TTLL8: variants seen among roughly 807,000 people sequenced by gnomAD.
TTLL8 encodes tubulin tyrosine ligase like 8, also known as protein monoglycylase TTLL8.
A neutral mutation model predicts 77.8 loss-of-function variants in TTLL8; 65 were observed. That is an observed-to-expected ratio of 0.84 (90% CI 0.68 to 1.03). TTLL8 has a LOEUF of 1.03. Among genes scored for constraint, TTLL8 ranks in the 50% least tolerant of loss-of-function variants. The pLI is 0.00. For synonymous variants in TTLL8, 402 were observed against 422.8 expected, an observed-to-expected ratio of 0.95 and a Z score of 0.60; for missense variants, 910 against 1,004.5, an observed-to-expected ratio of 0.91 and a Z score of 1.27.
chr22:50,026,311 G>T (rs4838877), intron 12 of TTLL8, among the ~76,000 whole-genome samples: 1 of 125,170 alleles, frequency 8.0e-6, no homozygotes, highest in Non-Finnish European at 1.8e-5. Flanking sequence ...CACCTCAGAG[G>T]GGAGGGTCAG....
At chr22:50,049,198 G>A in intron 3 of TTLL8, 51 bp downstream of exon 5, 1 of 1,366,674 alleles carries the variant, frequency 7.3e-7, no homozygotes, top group Non-Finnish European at 9.8e-7. Context: ...GCGACGGTGT[G>A]AGAAGCTTTG....
intron 5 of TTLL8, 102 bp downstream of exon 7, chr22:50,045,754 A>C: frequency 8.1e-7 from 1 of 1,238,892 alleles, no homozygotes; most frequent in Non-Finnish European, 1.0e-6. Context: ...CCGGTCCTCT[A>C]TCCTCAGACC....
rs995071823 is a variant in TTLL8, at chr22:50,034,186, T to C, written c.1039+159A>G. Reference sequence around the variant, plus strand: ...GCTGTGAAGACGCCTCCAGCTCTGCTCCAGCGCCTGAGTCCTGACCCCCAC... The same window carrying C: ...GCTGTGAAGACGCCTCCAGCTCTGCCCCAGCGCCTGAGTCCTGACCCCCAC... On this transcript the variant is annotated intron_variant, in intron 9 of 13. Coordinates refer to ENST00000266182, the Ensembl canonical transcript of TTLL8. This position sits in a 1 kb window ranked among gnomAD's most constrained non-coding sequence, Gnocchi z 4.1. 5.4e-6 allele frequency: 4 copies of C among 740,366 alleles called. No individual in the cohort carries two copies. In the African/African-American group the frequency reaches 7.7e-5, roughly 14 times the overall value. 45.9% of individuals were successfully genotyped at this position (740,366 alleles called of 1,614,324 possible). A position where few individuals can be genotyped will look rare whatever the true frequency, so the allele number is the denominator to read the frequency against.
chr22:50,050,172 T>G (rs1430654700), exon 2 of TTLL8: 4 of 1,366,248 alleles, frequency 2.9e-6, no homozygotes, highest in Non-Finnish European at 3.9e-6. Context: ...TGGAACTTCT[T>G]CTCTACCCAG....
At chr22:50,024,199 C>T (rs766196933) in intron 12 of TTLL8, among the ~76,000 whole-genome samples, 38 of 152,084 alleles carry the variant, frequency 2.5e-4, no homozygotes, top group Non-Finnish European at 1.0e-4. Flanking sequence ...TGCAATGGCG[C>T]GATCTTGGCT....
intron 6 of TTLL8, among the ~76,000 whole-genome samples, chr22:50,043,905 G>A (rs1201302508): frequency 1.3e-5 from 2 of 152,142 alleles, no homozygotes; most frequent in Non-Finnish European, 2.9e-5. Context: ...TTTTAGGGCC[G>A]GGGACCATCT....
chr22:50,056,118 G>A (rs1800359917), upstream of TTLL8, among the ~76,000 whole-genome samples: 3 of 152,082 alleles, frequency 2.0e-5, no homozygotes, highest in South Asian at 6.2e-4. The surrounding 1 kb of genome is among the most constrained non-coding windows in gnomAD (Gnocchi z 4.1). Flanking sequence ...AAATTAAGAA[G>A]TTCTGATTAT....
At chr22:50,057,290 TCTGGGTTTGGGGGTCAGGA>T (rs1267222036), upstream of TTLL8, among the ~76,000 whole-genome samples, 11 of 131,952 alleles carry the variant, frequency 8.3e-5, no homozygotes, top group African/African-American at 2.8e-4. Context: ...GGGGGTCAGG[TCTGGGTTTGGGGGTCAGGA>T]CTGGGTTTGG....
intron 12 of TTLL8, among the ~76,000 whole-genome samples, chr22:50,026,210 G>A (rs1012159324): frequency 5.3e-5 from 8 of 151,964 alleles, no homozygotes; most frequent in South Asian, 2.1e-4. Flanking sequence ...GTGCACACTC[G>A]TCACACTGTA....
chr22:50,020,624 C>T (rs1441230392), intron 12 of TTLL8, among the ~76,000 whole-genome samples: 1 of 146,764 alleles, frequency 6.8e-6, no homozygotes, highest in Non-Finnish European at 1.5e-5. Context: ...GACGTGTACC[C>T]CTCCATCTGA....
chr22:50,040,216 T>G (rs1487820100), intron 8 of TTLL8, among the ~76,000 whole-genome samples: 1 of 147,318 alleles, frequency 6.8e-6, no homozygotes, highest in Admixed American at 6.8e-5. Context: ...TGTGTCAGCA[T>G]GGATGGACCT....
intron 10 of TTLL8, 154 bp downstream of exon 11, chr22:50,033,048 C>G: frequency 1.2e-6 from 1 of 815,774 alleles, no homozygotes; most frequent in Non-Finnish European, 1.5e-6. Flanking sequence ...GATCATCAGC[C>G]TCCCAAGCCT....
intron 1 of TTLL8, among the ~76,000 whole-genome samples, chr22:50,050,563 C>G (rs2146696195): frequency 6.6e-6 from 1 of 152,102 alleles, no homozygotes; most frequent in South Asian, 2.1e-4. Flanking sequence ...TGCCCTCCTC[C>G]CCCACCTTGC....
chr22:50,048,885 A>C (rs137908), intron 3 of TTLL8, among the ~76,000 whole-genome samples: 130,848 of 151,744 alleles, frequency 0.86, 56,702 homozygotes, highest in South Asian at 0.96. Flanking sequence ...TGCTGGAGAC[A>C]GGAGCTCACT....
intron 6 of TTLL8, among the ~76,000 whole-genome samples, chr22:50,043,822 G>A (rs8135472): frequency 0.45 from 68,453 of 151,820 alleles, 15,805 homozygotes; most frequent in Non-Finnish European, 0.5. Context: ...AGGCAAAACC[G>A]TGGAGACAGG....
At chr22:50,045,116 CGA>C (rs1442609893) in intron 6 of TTLL8, 137 bp downstream of exon 8, 3 of 997,240 alleles carry the variant, frequency 3.0e-6, no homozygotes, top group South Asian at 3.2e-5. Flanking sequence ...CCATGAGAAT[CGA>C]GAGAGTCTGA....
chr22:50,028,500 T>A (rs1261661129), intron 12 of TTLL8, among the ~76,000 whole-genome samples: 1 of 152,076 alleles, frequency 6.6e-6, no homozygotes, highest in Admixed American at 6.5e-5. Context: ...GCAAGAGGCA[T>A]CTCCGTGAGT....
At chr22:50,049,981 G>A (rs1294900094) in intron 2 of TTLL8, 128 bp downstream of exon 4, 29 of 1,149,688 alleles carry the variant, frequency 2.5e-5, no homozygotes, top group African/African-American at 8.1e-5. Flanking sequence ...GGAGACCTGG[G>A]GTCGGAGATA....
At chr22:50,050,351 G>T (rs1377023514) in intron 1 of TTLL8, 104 bp from the exon 4 acceptor site, 3 of 801,322 alleles carry the variant, frequency 3.7e-6, no homozygotes, top group Non-Finnish European at 5.3e-6. Context: ...CTGAGATTTG[G>T]GGGCACCCAT....
Sources: gnomAD v4.1 joint callset for allele counts (sites outside exome capture counted in the v4.1 genomes callset) on GRCh38, gnomAD v4.1.1 for gene constraint, Gnocchi (gnomAD v3.1) non-coding constraint, MANE v1.5 for transcripts, NCBI Gene and HGNC (gene_info 2026-07-23, HGNC 2026-07-21) for gene names.